EVI5: variants seen among roughly 807,000 people sequenced by gnomAD.
The protein encoded by EVI5 is ecotropic viral integration site 5 protein homolog.
EVI5 carries 73 observed loss-of-function variants against 112.0 expected under a neutral mutation model. That is an observed-to-expected ratio of 0.65 (90% CI 0.54 to 0.79). The LOEUF (loss-of-function observed/expected upper bound fraction) is 0.79, where lower values mean the gene tolerates loss of function less well. Ranked by LOEUF, EVI5 falls within the 30% of genes least tolerant of loss-of-function variation. The pLI, the probability that EVI5 is intolerant of heterozygous loss-of-function variation, is 0.00. For missense variants in EVI5, 900 were observed against 968.8 expected (o/e 0.93, Z 0.94); for synonymous variants, 305 against 319.9 (o/e 0.95, Z 0.50).
intron 3 of EVI5, chr1:92,703,862 G>A: frequency 3.3e-6 from 1 of 306,876 alleles, no homozygotes; most frequent in Non-Finnish European, 5.7e-6. Flanking sequence ...ACCTCTTAAG[G>A]TAATGGACTT....
intron 19 of EVI5, among the ~76,000 whole-genome samples, chr1:92,537,963 A>C (rs1664171511): frequency 6.6e-6 from 1 of 152,156 alleles, no homozygotes; most frequent in African/African-American, 2.4e-5. Context: ...TGACGTTTTT[A>C]GAAGGAAAAA....
chr1:92,630,575 G>A (rs1459735371), intron 14 of EVI5, among the ~76,000 whole-genome samples: 7 of 147,376 alleles, frequency 4.7e-5, no homozygotes, highest in Non-Finnish European at 6.1e-5. Flanking sequence ...TTAGCCCTTC[G>A]TCAGATAAGT....
rs144291497 is a variant in EVI5 at position 92,513,778 on chromosome 1, C to A, written c.2359G>T (p.Ala787Ser). 11 of 1,613,312 alleles carry A rather than the reference C, an allele frequency of 6.8e-6. No individual in the cohort carries two copies. The South Asian group carries it at 1.2e-4, about 18-fold the overall frequency. Residue 787 changes from alanine (A) to serine (S), a missense_variant, in exon 20 of 20, where the codon GCA (alanine) becomes TCA (serine). By Grantham distance (99) the Ala-to-Ser change is moderately conservative. Transcript: ENST00000684568. ...TCGCTCTCACTACCATCTGCCACTG[C>A]GGGGTCCAAAGACATCGAACCAGAT... ...GKSGSMSLDPAVADGSESETE... is the reference protein window; with the variant it reads ...GKSGSMSLDPSVADGSESETE...
intron 8 of EVI5, 127 bp from the exon 9 acceptor site, chr1:92,694,026 C>A: frequency 1.5e-6 from 1 of 687,268 alleles, no homozygotes; most frequent in Non-Finnish European, 2.5e-6. Context: ...TTTTGGGAGG[C>A]CAAGGCAGGC....
chr1:92,546,594 G>A lies in EVI5; in HGVS notation c.2166+17048C>T, dbSNP rs371573307. Among the ~76,000 whole-genome samples the A allele has an allele frequency of 3.5e-4, 54 of 152,252 alleles. 1 individual carries two copies. Among genetic ancestry groups the A allele is most frequent in the African/African-American group, 1.2e-3 (50 of 41,546 alleles). On this transcript the variant is annotated intron_variant, in intron 19 of 19. Coordinates refer to ENST00000684568, the MANE Select transcript of EVI5 (RefSeq NM_001350197.2). ...GCATGTAATACCAGCTACTCAGGAG[G>A]CTGAGGCAGGAGAATTGCTTGAATC...
intron 1 of EVI5, among the ~76,000 whole-genome samples, chr1:92,775,414 G>A (rs1194430709): frequency 6.7e-6 from 1 of 148,936 alleles, no homozygotes. Flanking sequence ...GAGACACAGC[G>A]AGACTGCATT....
intron 1 of EVI5, among the ~76,000 whole-genome samples, chr1:92,768,534 C>A (rs1682968500): frequency 2.0e-5 from 3 of 152,170 alleles, no homozygotes; most frequent in Admixed American, 6.6e-5. Context: ...CTCCCTTCTT[C>A]CCAGTTTCTG....
chr1:92,718,437 TGAC>T (rs1674143389), intron 2 of EVI5, among the ~76,000 whole-genome samples: 1 of 152,174 alleles, frequency 6.6e-6, no homozygotes, highest in Admixed American at 6.6e-5. Flanking sequence ...TGCTCCTGAA[TGAC>T]GACTGGGTAA....
intron 19 of EVI5, among the ~76,000 whole-genome samples, chr1:92,551,896 C>T (rs748752459): frequency 2.0e-5 from 3 of 152,098 alleles, no homozygotes; most frequent in Admixed American, 6.5e-5. Context: ...TTCCAGTTTC[C>T]CTTGAAGTGG....
In EVI5 at chr1:92,509,997, A is replaced by G. The variant is rs1425249836; in HGVS notation, c.*3659T>C. 3 of 152,242 alleles carry G rather than the reference A, an allele frequency of 2.0e-5. No homozygotes were observed. The highest frequency in any genetic ancestry group is 4.4e-5 in the Non-Finnish European group (3 of 68,046). 9.4% of individuals were successfully genotyped at this position (152,242 alleles called of 1,614,324 possible). ...AACATACTTACATTAATTTGAATGAAAAGGAGTCAAACCAAGGCATAATAT... is the reference window on the plus strand; with the variant it reads ...AACATACTTACATTAATTTGAATGAGAAGGAGTCAAACCAAGGCATAATAT... On this transcript the variant is annotated 3_prime_UTR_variant, in exon 20 of 20. Transcript: ENST00000684568.
intron 2 of EVI5, among the ~76,000 whole-genome samples, chr1:92,730,932 A>G (rs1466104984): frequency 1.3e-5 from 2 of 152,176 alleles, no homozygotes; most frequent in East Asian, 3.9e-4. Flanking sequence ...GCTCATCTAC[A>G]TAGCAAATCT....
At chr1:92,582,813 TTATA>T (rs1672147653) in intron 18 of EVI5, among the ~76,000 whole-genome samples, 1 of 70,014 alleles carries the variant, frequency 1.4e-5, no homozygotes, top group African/African-American at 8.3e-5. Context: ...ACATAAAATA[TTATA>T]ATGATAATCA....
intron 1 of EVI5, chr1:92,755,955 T>C (rs537072696): frequency 4.0e-5 from 7 of 173,924 alleles, no homozygotes; most frequent in Admixed American, 3.5e-4. Flanking sequence ...TTGACTGCCA[T>C]TGTGAGCGAT....
At chr1:92,607,031 T>C (rs905536818) in intron 17 of EVI5, among the ~76,000 whole-genome samples, 1 of 152,138 alleles carries the variant, frequency 6.6e-6, no homozygotes, top group African/African-American at 2.4e-5. Flanking sequence ...TGCATTCAAA[T>C]ACTTTTGATG....
At chr1:92,555,338 C>T (rs1229289310) in intron 19 of EVI5, among the ~76,000 whole-genome samples, 1 of 152,124 alleles carries the variant, frequency 6.6e-6, no homozygotes, top group Non-Finnish European at 1.5e-5. Flanking sequence ...TCTTCTTAAA[C>T]ATTAAAATTT....
At chr1:92,756,755 T>A (rs890258068) in intron 1 of EVI5, 1 of 501,120 alleles carries the variant, frequency 2.0e-6, no homozygotes, top group Non-Finnish European at 4.1e-6. Flanking sequence ...GTATCTACTA[T>A]GCACGCCTCA....
chr1:92,786,196 A>C (rs1010036255), upstream of EVI5, among the ~76,000 whole-genome samples: 2 of 151,666 alleles, frequency 1.3e-5, no homozygotes, highest in African/African-American at 4.8e-5. Context: ...TTTATAAGAC[A>C]GAATTCGCAG....
chr1:92,718,591 G>A (rs949457624), intron 2 of EVI5, among the ~76,000 whole-genome samples: 5 of 152,118 alleles, frequency 3.3e-5, no homozygotes, highest in African/African-American at 1.2e-4. Flanking sequence ...GACAAAGCAG[G>A]AAAGATCTAA....
intron 18 of EVI5, among the ~76,000 whole-genome samples, chr1:92,594,714 T>C (rs1341806394): frequency 1.3e-5 from 2 of 151,016 alleles, no homozygotes; most frequent in African/African-American, 2.4e-5. Flanking sequence ...TCAAACAAAG[T>C]TACAAGAAAA....
Sources: allele counts gnomAD v4.1 joint callset (sites outside exome capture counted in the v4.1 genomes callset), GRCh38; gene constraint gnomAD v4.1.1; transcripts MANE v1.5; gene names NCBI Gene and HGNC (gene_info 2026-07-23, HGNC 2026-07-21).